Variants in DNAAF1 observed in about 807,000 individuals in gnomAD.
The protein encoded by DNAAF1 is dynein assembly factor 1, axonemal.
A neutral mutation model predicts 71.1 loss-of-function variants in DNAAF1; 65 were observed. The ratio of observed to expected loss-of-function variants is 0.91; its 90% CI spans 0.75 to 1.12. The LOEUF (loss-of-function observed/expected upper bound fraction) is 1.12, where lower values mean the gene tolerates loss of function less well. Among genes scored for constraint, DNAAF1 ranks in the 50% most tolerant of loss-of-function variants. The probability of loss-of-function intolerance (pLI) is 0.00; values close to 1 mark genes in which losing one functional copy is unlikely to be tolerated. For synonymous variants in DNAAF1, 414 were observed against 354.6 expected, an observed-to-expected ratio of 1.17 and a Z score of -1.88; for missense variants, 1,178 against 899.8, an observed-to-expected ratio of 1.31 and a Z score of -3.96.
At chr16:84,158,024 G>C (rs923980998) in intron 5 of DNAAF1, among the ~76,000 whole-genome samples, 2 of 152,052 alleles carry the variant, frequency 1.3e-5, no homozygotes, top group African/African-American at 2.4e-5. Flanking sequence ...TGGCTAACAT[G>C]GTGAAACCGT....
chr16:84,177,560 C>G, intron 11 of DNAAF1, 169 bp from the exon 12 acceptor site: 1 of 647,842 alleles, frequency 1.5e-6, no homozygotes, highest in Non-Finnish European at 2.9e-6. Context: ...AACTCCTGAC[C>G]TCAGGTGATC....
At chr16:84,175,724 A>C in intron 10 of DNAAF1, 1 of 606,242 alleles carries the variant, frequency 1.6e-6, no homozygotes. Context: ...AGCAGAGGGC[A>C]GAGAGAAGGG....
intron 6 of DNAAF1, among the ~76,000 whole-genome samples, chr16:84,160,248 T>C (rs886188193): frequency 1.3e-5 from 2 of 152,228 alleles, no homozygotes; most frequent in African/African-American, 4.8e-5. Flanking sequence ...TTTTGGATAA[T>C]TGATGAAGTT....
intron 4 of DNAAF1, 147 bp from the exon 5 acceptor site, chr16:84,155,436 C>A: frequency 1.1e-6 from 1 of 891,034 alleles, no homozygotes; most frequent in Non-Finnish European, 1.8e-6. Context: ...ACTGTGTTGC[C>A]CAGGCTGGTC....
chr16:84,159,287 A>G (rs866878098), intron 5 of DNAAF1: 1 of 1,085,118 alleles, frequency 9.2e-7, no homozygotes, highest in African/African-American at 1.7e-5. Flanking sequence ...TTTTGGTAAA[A>G]TGGATCCTGG....
In DNAAF1 at chr16:84,173,435, A is replaced by G. The variant is rs1382631584; in HGVS notation, c.1644+1060A>G. On this transcript the variant is annotated intron_variant, in intron 9 of 11. Transcript: ENST00000378553. ...GCCGAGATCACGCCACTGCACTCCA[A>G]CCTGGGCGACAGAGCGAGACTCCAT... is the stretch of plus-strand genomic sequence containing the variant. 1.5e-5 allele frequency: 14 copies of G among 951,948 alleles called. No individual in the cohort carries two copies. The African/African-American group carries it at 2.0e-4, about 13-fold the overall frequency. 59.0% of individuals were successfully genotyped at this position (951,948 alleles called of 1,614,324 possible). A position where few individuals can be genotyped will look rare whatever the true frequency, so the allele number is the denominator to read the frequency against.
intron 3 of DNAAF1, among the ~76,000 whole-genome samples, chr16:84,152,685 G>C (rs1323561627): frequency 6.6e-6 from 1 of 151,368 alleles, no homozygotes; most frequent in Non-Finnish European, 1.5e-5. Flanking sequence ...TGGGCGCGGT[G>C]GCTCACACCT....
intron 2 of DNAAF1, among the ~76,000 whole-genome samples, chr16:84,149,939 C>A (rs958573349): frequency 1.3e-5 from 2 of 151,706 alleles, no homozygotes; most frequent in Admixed American, 6.6e-5. Context: ...GCAGGAGAAT[C>A]GCTTGAACCT....
intron 7 of DNAAF1, among the ~76,000 whole-genome samples, chr16:84,166,370 CTTTTTTTT>C (rs535417461): frequency 0.13 from 15,012 of 118,786 alleles, 848 homozygotes; most frequent in South Asian, 0.31. Context: ...TTCTTTTTTT[CTTTTTTTT>C]TTTTTTTTTT....
chr16:84,172,374 A>G lies in DNAAF1; in HGVS notation c.1643A>G (p.Asp548Gly). 1.2e-6 allele frequency: 2 copies of G among 1,613,808 alleles called. No individual in the cohort carries two copies. The highest frequency in any genetic ancestry group is 1.7e-6 in the Non-Finnish European group (2 of 1,179,728). The change falls in exon 9 of 12, where the codon GAT becomes GGT. Residue 548 changes from aspartate (D) to glycine (G), a missense_variant and splice_region_variant. Asp to Gly is a moderately conservative substitution (Grantham distance 94, BLOSUM62 -1). Coordinates refer to ENST00000378553, the MANE Select transcript of DNAAF1 (RefSeq NM_178452.6). Reference protein sequence around the residue: ...RLETKETFCIDDLPDLEDDDE... With the variant: ...RLETKETFCIGDLPDLEDDDE... Reference sequence around the variant, plus strand: ...GAGACAAAGGAGACATTCTGCATTGATGTACATGAAGTATTTAATCTTGGA... The same window carrying G: ...GAGACAAAGGAGACATTCTGCATTGGTGTACATGAAGTATTTAATCTTGGA...
intron 9 of DNAAF1, chr16:84,173,749 C>T (rs996496694): frequency 3.2e-5 from 5 of 156,772 alleles, no homozygotes; most frequent in Non-Finnish European, 6.8e-5. Context: ...CCCAGCTACT[C>T]GGGAGGCTGA....
At chr16:84,174,232 G>A (rs1008549989) in intron 9 of DNAAF1, 33 of 1,051,666 alleles carry the variant, frequency 3.1e-5, no homozygotes, top group South Asian at 6.4e-5. Context: ...CAAAGATACC[G>A]AACAAACACC....
Position 84,149,106 on chromosome 16 carries a change from C to T in DNAAF1, c.224C>T (p.Ala75Val). Reference sequence around the variant, plus strand: ...GATAATGGGTCAGGTGGTCACTTCGCACACCCAAGAGAAGACAGGGAAGAT... The same window carrying T: ...GATAATGGGTCAGGTGGTCACTTCGTACACCCAAGAGAAGACAGGGAAGAT... ...SGDNGSGGHF[A>V]HPREDREDRG... The change falls in exon 2 of 12, where the codon GCA becomes GTA. Residue 75 changes from alanine (A) to valine (V), a missense_variant. Physicochemically the swap from Ala to Val is moderately conservative, Grantham distance 64. Transcript: ENST00000378553. 1.2e-6 allele frequency: 2 copies of T among 1,614,090 alleles called. No homozygotes were observed. Among genetic ancestry groups the T allele is most frequent in the Non-Finnish European group, 1.7e-6 (2 of 1,180,038 alleles).
At chr16:84,146,575 G>T (rs1250659346) in intron 1 of DNAAF1, among the ~76,000 whole-genome samples, 4 of 152,208 alleles carry the variant, frequency 2.6e-5, no homozygotes, top group African/African-American at 9.6e-5. Context: ...AAATTAGCAG[G>T]GCGTGGTGAC....
chr16:84,158,415 A>G (rs1450577328), intron 5 of DNAAF1, among the ~76,000 whole-genome samples: 1 of 152,094 alleles, frequency 6.6e-6, no homozygotes, highest in African/African-American at 2.4e-5. Context: ...GACACCAGTC[A>G]GATTGGATTA....
intron 7 of DNAAF1, 23 bp downstream of exon 7, chr16:84,165,972 C>A (rs1481396960): frequency 6.2e-7 from 1 of 1,606,070 alleles, no homozygotes; most frequent in Non-Finnish European, 8.5e-7. Flanking sequence ...CCGAAGACAA[C>A]AGCCCCAGAG....
At chr16:84,162,643 A>G (rs2087768477) in intron 6 of DNAAF1, among the ~76,000 whole-genome samples, 1 of 151,940 alleles carries the variant, frequency 6.6e-6, no homozygotes, top group African/African-American at 2.4e-5. Flanking sequence ...ACACGGTGAA[A>G]CCTCATCTCT....
intron 6 of DNAAF1, among the ~76,000 whole-genome samples, chr16:84,164,530 A>G (rs2087872157): frequency 6.6e-6 from 1 of 152,198 alleles, no homozygotes; most frequent in African/African-American, 2.4e-5. Context: ...TATAGCCTTT[A>G]TGGACTGGCT....
At position 84,155,751 on chromosome 16, in the gene DNAAF1, T is replaced by G; in HGVS notation, c.741+2T>G. The G allele has an allele frequency of 1.2e-6, 2 of 1,614,024 alleles. No individual in the cohort carries two copies. The highest frequency in any genetic ancestry group is 1.7e-6 in the Non-Finnish European group (2 of 1,180,006). Reference sequence around the variant, plus strand: ...ATTCTGGAAAGCATGCCCGATTTGGTAAAAAACAAAAACAAAAACAACGAA... The same window carrying G: ...ATTCTGGAAAGCATGCCCGATTTGGGAAAAAACAAAAACAAAAACAACGAA... On this transcript the variant is annotated splice_donor_variant, in intron 5 of 11. Coordinates refer to ENST00000378553, the MANE Select transcript of DNAAF1 (RefSeq NM_178452.6). LOFTEE classifies it high-confidence loss of function.
Sources: gnomAD v4.1 joint callset for allele counts (sites outside exome capture counted in the v4.1 genomes callset) on GRCh38, gnomAD v4.1.1 for gene constraint, MANE v1.5 for transcripts, NCBI Gene and HGNC (gene_info 2026-07-23, HGNC 2026-07-21) for gene names.